MCF2L: variants seen among roughly 807,000 people sequenced by gnomAD.
MCF2L encodes the protein MCF.2 cell line derived transforming sequence like.
MCF2L carries 97 observed loss-of-function variants against 153.4 expected under a neutral mutation model. The observed-to-expected ratio is 0.63, with a 90% CI of 0.54 to 0.75. The LOEUF is 0.75. Among genes scored for constraint, MCF2L ranks in the 30% least tolerant of loss-of-function variants. MCF2L has a pLI of 0.00. For missense variants in MCF2L, 1,347 were observed against 1,495.2 expected (o/e 0.90, Z 1.64); for synonymous variants, 659 against 632.2 (o/e 1.04, Z -0.64).
intron 2 of MCF2L, among the ~76,000 whole-genome samples, chr13:113,020,195 G>A (rs1170258803): frequency 6.6e-6 from 1 of 152,202 alleles, no homozygotes; most frequent in East Asian, 1.9e-4. Flanking sequence ...GGATACAGAT[G>A]TCATAGTAAA....
intron 3 of MCF2L, among the ~76,000 whole-genome samples, chr13:113,029,829 A>G (rs1234244545): frequency 6.6e-6 from 1 of 152,230 alleles, no homozygotes; most frequent in African/African-American, 2.4e-5. Flanking sequence ...CAGCCAGCAC[A>G]TTCTTTAAGT....
Position 113,087,776 on chromosome 13 carries a change from C to T in MCF2L, c.2665C>T (p.Arg889Cys), listed in dbSNP as rs1566875775. The T allele has an allele frequency of 3.7e-6, 6 of 1,613,986 alleles. No homozygotes were observed. Among genetic ancestry groups the T allele is most frequent in the African/African-American group, 1.3e-5 (1 of 74,924 alleles). Residue 889 changes from arginine (R) to cysteine (C), a missense_variant, in exon 23 of 30, where the codon CGC becomes TGC. Around this residue, in one of 3 missense-constraint regions of MCF2L, gnomAD observed 383 missense variants for 335.4 expected, o/e 1.14. Transcript: ENST00000535094. ...AKKFEIWYNA[R>C]EEVYIVQAPT... ...GAAGTTCGAGATCTGGTACAACGCG[C>T]GCGAGGAGGTCTACATCGTCCAGGT...
chr13:113,055,132 TATTC>T (rs1287427718), intron 4 of MCF2L, among the ~76,000 whole-genome samples: 1 of 152,182 alleles, frequency 6.6e-6, no homozygotes, highest in East Asian at 1.9e-4. Context: ...CTGTTATATT[TATTC>T]AAAGTATGTG....
intron 7 of MCF2L, 55 bp from the exon 8 acceptor site, chr13:113,065,987 ACCAG>A: frequency 1.3e-6 from 2 of 1,567,674 alleles, no homozygotes; most frequent in Non-Finnish European, 1.7e-6. Context: ...AGGCCTCACC[ACCAG>A]CCTGCGCTGT....
Position 113,087,371 on chromosome 13 carries a change from A to G in MCF2L, c.2510A>G (p.Lys837Arg). 6.2e-7 allele frequency: 1 copy of G among 1,613,466 alleles called. No individual in the cohort carries two copies. Among genetic ancestry groups the G allele is most frequent in the Non-Finnish European group, 8.5e-7 (1 of 1,180,022 alleles). Residue 837 changes from lysine (K) to arginine (R), a missense_variant, in exon 22 of 30, where the codon AAG (lysine) becomes AGG (arginine). Lys to Arg is a conservative substitution (Grantham distance 26). Around this residue, in one of 3 missense-constraint regions of MCF2L, gnomAD observed 144 missense variants for 238.7 expected, o/e 0.60. Transcript: ENST00000535094. ...CAGCGGCACCTGTTCCTGCACGAGA[A>G]GGCAGTGCTCTTCTGCAAGAAGAGG... ...PMQRHLFLHE[K>R]AVLFCKKREE...
At chr13:113,014,659 G>T (rs756249019) in intron 1 of MCF2L, 104 bp from the exon 2 acceptor site, 21 of 880,560 alleles carry the variant, frequency 2.4e-5, no homozygotes, top group Middle Eastern at 2.6e-4. Context: ...CGCCACTCCC[G>T]TAGGTGCCTG....
At chr13:113,089,519 G>A in intron 25 of MCF2L, 91 bp from the exon 26 acceptor site, 1 of 822,990 alleles carries the variant, frequency 1.2e-6, no homozygotes, top group Non-Finnish European at 2.1e-6. Flanking sequence ...CGGGAGCTCA[G>A]AGATATCTGA....
chr13:113,008,588 C>G (rs1400811278), intron 1 of MCF2L, among the ~76,000 whole-genome samples: 1 of 152,194 alleles, frequency 6.6e-6, no homozygotes, highest in Non-Finnish European at 1.5e-5. Flanking sequence ...AAGAATGTAT[C>G]AAAAGTGGAA....
In MCF2L at chr13:113,064,345, C is replaced by A. The variant is rs144351365; in HGVS notation, c.531C>A (p.Ile177=). The stretch of plus-strand genomic sequence containing the variant: ...CCGTACCAGACTTACACGGTTACAT[C>A]GATAAGTCGCAGCTGACCGAGGACC... ...LSSVPDLHGY[I]DKSQLTEDLG... is the part of the protein sequence containing the mutation. Residue 177 remains isoleucine, a synonymous_variant, in exon 6 of 30, where the codon ATC becomes ATA. Coordinates refer to ENST00000535094, the MANE Select transcript of MCF2L (RefSeq NM_001112732.3). The surrounding 1 kb of genome is among the most constrained non-coding windows in gnomAD (Gnocchi z 6.0). 1.2e-6 allele frequency: 2 copies of A among 1,613,006 alleles called. No individual in the cohort carries two copies. Among genetic ancestry groups the A allele is most frequent in the African/African-American group, 1.3e-5 (1 of 75,072 alleles).
In MCF2L at chr13:113,064,376, GGGACCCT is replaced by G. The variant is rs1183273970; in HGVS notation, c.567_573del (p.Leu190ThrfsTer20). Reference sequence around the variant, plus strand: ...GTCGCAGCTGACCGAGGACCTGGGTGGGACCCTGGACTACTGCCACTCCCGGTGGCTG... The same window carrying G: ...GTCGCAGCTGACCGAGGACCTGGGTGGGACTACTGCCACTCCCGGTGGCTG... On this transcript the variant is annotated frameshift_variant, in exon 6 of 30. Transcript: ENST00000535094. LOFTEE classifies it high-confidence loss of function. This position sits in a 1 kb window ranked among gnomAD's most constrained non-coding sequence, Gnocchi z 6.0. The G allele has an allele frequency of 6.2e-7, 1 of 1,612,708 alleles. No homozygotes were observed. The highest frequency in any genetic ancestry group is 8.5e-7 in the Non-Finnish European group (1 of 1,179,998).
intron 2 of MCF2L, among the ~76,000 whole-genome samples, chr13:112,919,173 T>G (rs1391976153): frequency 6.6e-6 from 1 of 152,112 alleles, no homozygotes; most frequent in Non-Finnish European, 1.5e-5. Context: ...CAATTATATA[T>G]TCTAACAAAA....
At chr13:113,056,861 CGCTG>C (rs2029982589) in intron 4 of MCF2L, among the ~76,000 whole-genome samples, 1 of 62,484 alleles carries the variant, frequency 1.6e-5, no homozygotes, top group African/African-American at 6.6e-5. Context: ...AGTGTTTCGG[CGCTG>C]AGTGGGTGCT....
At chr13:112,995,673 G>T (rs2083098111) in intron 1 of MCF2L, among the ~76,000 whole-genome samples, 1 of 152,188 alleles carries the variant, frequency 6.6e-6, no homozygotes, top group Admixed American at 6.5e-5. Flanking sequence ...GGCTCTGGGT[G>T]TGGAGGTGGC....
intron 2 of MCF2L, among the ~76,000 whole-genome samples, chr13:112,939,402 C>A (rs182211624): frequency 1.6e-4 from 25 of 152,314 alleles, no homozygotes; most frequent in African/African-American, 5.8e-4. Flanking sequence ...CCAAAATTGT[C>A]TCCAGAAATT....
chr13:113,064,260 A>G lies in MCF2L; in HGVS notation c.490-44A>G. 7.0e-7 allele frequency: 1 copy of G among 1,427,720 alleles called. No homozygotes were observed. Among genetic ancestry groups the G allele is most frequent in the East Asian group, 2.3e-5 (1 of 43,916 alleles). The allele number at this position is 1,427,720 out of a possible 1,614,324, so 88.4% of individuals were successfully genotyped here. On this transcript the variant is annotated intron_variant, in intron 5 of 29. Transcript: ENST00000535094. The surrounding 1 kb of genome is among the most constrained non-coding windows in gnomAD (Gnocchi z 6.0). ...TGATGGGGCAGCTCTTTTGGGAGCCAACAATAATCCCAAACACTACCACGC... is the reference window on the plus strand; with the variant it reads ...TGATGGGGCAGCTCTTTTGGGAGCCGACAATAATCCCAAACACTACCACGC...
At position 112,960,736 on chromosome 13, in the gene MCF2L, G is replaced by T. The variant is rs529245204; in HGVS notation, c.170-54027G>T. ...AGGCTCCAGGAAGAATCCTTTCCTC[G>T]CCCTGTCCAGCCCCAGGTGCTGCCT... On this transcript the variant is annotated intron_variant, in intron 2 of 29. Coordinates refer to the MCF2L transcript ENST00000375608. The surrounding 1 kb of genome is among the most constrained non-coding windows in gnomAD (Gnocchi z 4.2). Among the ~76,000 whole-genome samples, 2 of 152,074 alleles carry T rather than the reference G, an allele frequency of 1.3e-5. No homozygotes were observed. Among genetic ancestry groups the T allele is most frequent in the Non-Finnish European group, 1.5e-5 (1 of 67,998 alleles).
chr13:113,018,181 C>T (rs1594680601), intron 2 of MCF2L, among the ~76,000 whole-genome samples: 4 of 152,164 alleles, frequency 2.6e-5, no homozygotes, highest in East Asian at 3.9e-4. Flanking sequence ...TCGGGGGCTC[C>T]GGACTCCTGT....
rs373912526 is a variant in MCF2L, at chr13:113,063,937, G to A, written c.490-367G>A. ...GGCTTGCTGTGGAGCCGTTGTGCAG[G>A]GGAGCCTGTGGCATGGATGACCCGT... On this transcript the variant is annotated intron_variant, in intron 5 of 29. Coordinates refer to ENST00000535094, the MANE Select transcript of MCF2L (RefSeq NM_001112732.3). 1.4e-3 allele frequency: 596 copies of A among 426,476 alleles called. 5 individuals are homozygous for A. Among genetic ancestry groups the A allele is most frequent in the South Asian group, 0.01 (572 of 56,950 alleles). 26.4% of individuals were successfully genotyped at this position (426,476 alleles called of 1,614,324 possible).
chr13:113,026,174 G>A lies in MCF2L; in HGVS notation c.278+1416G>A, dbSNP rs61967114. ...CAGAGTCTCTGTGAGGTTCCACCAT[G>A]GTGGGGTCCCCGTGACTGTGGGTCG... On this transcript the variant is annotated intron_variant, in intron 3 of 29. Transcript: ENST00000535094. Among the ~76,000 whole-genome samples the A allele has an allele frequency of 3.0e-3, 121 of 40,418 alleles. 1 individual carries two copies. Among genetic ancestry groups the A allele is most frequent in the South Asian group, 5.6e-3 (4 of 716 alleles). The allele number at this position is 40,418 out of a possible 152,430, so 26.5% of individuals were successfully genotyped here. A position where few individuals can be genotyped will look rare whatever the true frequency, so the allele number is the denominator to read the frequency against.
Sources: gnomAD v4.1 joint callset for allele counts (sites outside exome capture counted in the v4.1 genomes callset) on GRCh38, gnomAD v4.1.1 for gene constraint, gnomAD v4.1.1 regional missense constraint, Gnocchi (gnomAD v3.1) non-coding constraint, MANE v1.5 for transcripts, NCBI Gene and HGNC (gene_info 2026-07-23, HGNC 2026-07-21) for gene names.